PHF24: variants seen among roughly 807,000 people sequenced by gnomAD.
PHF24 encodes the protein PHD finger protein 24, also known as Galpha inhibitory interacting protein.
PHF24 carries 25 observed loss-of-function variants against 42.6 expected under a neutral mutation model. The ratio of observed to expected loss-of-function variants is 0.59; its 90% CI spans 0.43 to 0.82. PHF24 has a LOEUF of 0.82. PHF24 is among the 40% of genes least tolerant of loss of function. PHF24 has a pLI of 0.00. For synonymous variants in PHF24, 185 were observed against 204.8 expected (o/e 0.90, Z 0.83); for missense variants, 470 against 538.1 (o/e 0.87, Z 1.25).
the PHF24 span, among the ~76,000 whole-genome samples, chr9:34,894,760 C>T: frequency 6.6e-6 from 1 of 152,228 alleles, no homozygotes; most frequent in African/African-American, 2.4e-5. Context: ...GTTGAAGAGA[C>T]TTCCACAGGT....
chr9:34,977,272 C>G (rs776451915), intron 6 of PHF24, 29 bp downstream of exon 6: 108 of 1,556,264 alleles, frequency 6.9e-5, no homozygotes, highest in Non-Finnish European at 8.9e-5. Flanking sequence ...CTGGTCCCCA[C>G]TCAGCCTCTC....
At chr9:34,896,578 G>T in the PHF24 span, among the ~76,000 whole-genome samples, 3 of 152,256 alleles carry the variant, frequency 2.0e-5, no homozygotes, top group East Asian at 1.9e-4. Flanking sequence ...CAAAACTTTC[G>T]ATTAAGGTTC....
chr9:34,838,807 A>G, the PHF24 span, among the ~76,000 whole-genome samples: 1 of 152,140 alleles, frequency 6.6e-6, no homozygotes, highest in Non-Finnish European at 1.5e-5. Flanking sequence ...GTCCTTCACA[A>G]CTGTATGGTC....
the PHF24 span, among the ~76,000 whole-genome samples, chr9:34,901,625 G>C: frequency 6.6e-6 from 1 of 152,124 alleles, no homozygotes; most frequent in South Asian, 2.1e-4. Flanking sequence ...GGGGTCGGGC[G>C]TGGTGACTGG....
At chr9:34,715,531 A>G in the PHF24 span, among the ~76,000 whole-genome samples, 1 of 152,134 alleles carries the variant, frequency 6.6e-6, no homozygotes, top group African/African-American at 2.4e-5. Context: ...ATGGCTGCAC[A>G]TCCGAGATGT....
At chr9:34,702,655 C>G in the PHF24 span, among the ~76,000 whole-genome samples, 1 of 152,102 alleles carries the variant, frequency 6.6e-6, no homozygotes, top group Non-Finnish European at 1.5e-5. Flanking sequence ...AGAAGAATTA[C>G]AAATATAGGC....
the PHF24 span, among the ~76,000 whole-genome samples, chr9:34,875,936 A>ACTCTCTCTCTCTCTCTCTCT: frequency 5.7e-5 from 5 of 87,886 alleles, no homozygotes; most frequent in East Asian, 6.2e-4. Context: ...ACACACACAC[A>ACTCTCTCTCTCTCTCTCTCT]CACACACACA....
chr9:34,677,315 T>C, the PHF24 span, among the ~76,000 whole-genome samples: 1 of 151,634 alleles, frequency 6.6e-6, no homozygotes, highest in South Asian at 2.1e-4. Flanking sequence ...CCTAGACTAC[T>C]GGAAAAGCCC....
the PHF24 span, among the ~76,000 whole-genome samples, chr9:34,845,306 T>C: frequency 6.6e-6 from 1 of 152,198 alleles, no homozygotes; most frequent in Non-Finnish European, 1.5e-5. Context: ...ATTGGAGAAT[T>C]TAATCCATTT....
At chr9:34,742,588 T>C in the PHF24 span, among the ~76,000 whole-genome samples, 1 of 152,108 alleles carries the variant, frequency 6.6e-6, no homozygotes, top group African/African-American at 2.4e-5. Context: ...TTTTAAAATT[T>C]ATTTTTATTT....
At chr9:34,907,790 T>C in the PHF24 span, among the ~76,000 whole-genome samples, 1 of 152,096 alleles carries the variant, frequency 6.6e-6, no homozygotes, top group South Asian at 2.1e-4. Flanking sequence ...TTTGATTTCT[T>C]TCTTCGCTGT....
the PHF24 span, among the ~76,000 whole-genome samples, chr9:34,761,319 T>TC: frequency 1.3e-5 from 2 of 151,860 alleles, no homozygotes; most frequent in Non-Finnish European, 2.9e-5. Context: ...TGTCAGTTTT[T>TC]TTTAATAGAT....
the PHF24 span, among the ~76,000 whole-genome samples, chr9:34,936,122 G>A: frequency 4.7e-5 from 7 of 149,662 alleles, no homozygotes; most frequent in African/African-American, 7.4e-5. Flanking sequence ...ATGCCGAGCC[G>A]AAGCTGGACT....
chr9:34,760,602 C>T, the PHF24 span, among the ~76,000 whole-genome samples: 1 of 152,180 alleles, frequency 6.6e-6, no homozygotes, highest in South Asian at 2.1e-4. Flanking sequence ...CCGCCCGGTG[C>T]AGAAGCGTGG....
At chr9:34,965,642 T>C (rs955450168) in intron 1 of PHF24, among the ~76,000 whole-genome samples, 2 of 152,236 alleles carry the variant, frequency 1.3e-5, no homozygotes, top group African/African-American at 4.8e-5. Context: ...CTATTCTTGG[T>C]ATCCTTATAA....
the PHF24 span, among the ~76,000 whole-genome samples, chr9:34,671,080 C>A: frequency 6.6e-6 from 1 of 152,188 alleles, no homozygotes; most frequent in Non-Finnish European, 1.5e-5. Flanking sequence ...AGCACTGTCC[C>A]TCTCCCTTAT....
the PHF24 span, among the ~76,000 whole-genome samples, chr9:34,878,296 C>T: frequency 2.6e-5 from 4 of 152,132 alleles, no homozygotes; most frequent in South Asian, 2.1e-4. Context: ...CAGCTCCCAG[C>T]GTGAGTGACA....
the PHF24 span, among the ~76,000 whole-genome samples, chr9:34,673,862 C>T: frequency 6.6e-6 from 1 of 152,160 alleles, no homozygotes; most frequent in African/African-American, 2.4e-5. Flanking sequence ...ACCTTGTGAT[C>T]TGCCTGCCTC....
chr9:34,977,915 G>A (rs1013693403), intron 7 of PHF24, 100 bp from the exon 8 acceptor site: 40 of 926,346 alleles, frequency 4.3e-5, no homozygotes, highest in African/African-American at 3.2e-4. Flanking sequence ...CAGGGCTCAC[G>A]CGTCTTCAAA....
Sources: gnomAD v4.1 joint callset for allele counts (sites outside exome capture counted in the v4.1 genomes callset) on GRCh38, gnomAD v4.1.1 for gene constraint, MANE v1.5 for transcripts, NCBI Gene and HGNC (gene_info 2026-07-23, HGNC 2026-07-21) for gene names.